The following FRMD4A variants were observed in gnomAD, a reference collection of about 807,000 sequenced individuals.
The protein encoded by FRMD4A is FERM domain containing 4A, also known as FERM domain-containing protein 4A.
Under a neutral mutation model 129.1 loss-of-function variants are expected in FRMD4A, and 29 were observed. That is an observed-to-expected ratio of 0.22 (90% CI 0.17 to 0.31). FRMD4A has a LOEUF of 0.31. Among genes scored for constraint, FRMD4A ranks in the 10% least tolerant of loss-of-function variants. The pLI is 1.00. For synonymous variants in FRMD4A, 634 were observed against 571.6 expected, an observed-to-expected ratio of 1.11 and a Z score of -1.56; for missense variants, 1,272 against 1,375.8, an observed-to-expected ratio of 0.92 and a Z score of 1.19.
intron 2 of FRMD4A, among the ~76,000 whole-genome samples, chr10:14,065,946 C>A (rs1057408372): frequency 2.6e-5 from 4 of 151,464 alleles, no homozygotes; most frequent in African/African-American, 9.7e-5. Flanking sequence ...ATTCTACTGC[C>A]ATCAGCAAAC....
At chr10:14,200,317 A>T (rs960845224) in intron 2 of FRMD4A, among the ~76,000 whole-genome samples, 1 of 149,832 alleles carries the variant, frequency 6.7e-6, no homozygotes, top group Admixed American at 6.6e-5. Flanking sequence ...TTTGAGACAG[A>T]CTCTCACTCT....
At chr10:13,656,485 C>T (rs1025662117) in intron 22 of FRMD4A, 151 bp downstream of exon 22, 25 of 958,998 alleles carry the variant, frequency 2.6e-5, no homozygotes, top group East Asian at 3.3e-5. Flanking sequence ...TCAAGTCTCC[C>T]GCATCTAACA....
intron 2 of FRMD4A, among the ~76,000 whole-genome samples, chr10:13,884,186 A>ATTCT (rs2094586746): frequency 1.8e-5 from 2 of 109,598 alleles, no homozygotes; most frequent in Admixed American, 2.0e-4. Context: ...TCACACACAC[A>ATTCT]CACACACACT....
At chr10:13,761,057 T>C (rs1343632530) in intron 8 of FRMD4A, among the ~76,000 whole-genome samples, 2 of 152,228 alleles carry the variant, frequency 1.3e-5, no homozygotes, top group Admixed American at 6.5e-5. Flanking sequence ...TGGTGATGAA[T>C]GAAATAAATG....
At chr10:14,310,809 T>G (rs2480547) in intron 2 of FRMD4A, among the ~76,000 whole-genome samples, 1 of 152,012 alleles carries the variant, frequency 6.6e-6, no homozygotes, top group Non-Finnish European at 1.5e-5. Flanking sequence ...AGCTATAGAA[T>G]CCCTTGCATT....
intron 2 of FRMD4A, among the ~76,000 whole-genome samples, chr10:13,859,672 C>T (rs111894503): frequency 1.3e-5 from 2 of 152,166 alleles, no homozygotes; most frequent in African/African-American, 4.8e-5. Flanking sequence ...TGCTGGTAAC[C>T]AGAAAGCAGA....
In FRMD4A at chr10:13,788,220, C is replaced by T. The variant is rs185430214; in HGVS notation, c.300-5214G>A. ...CACCATGGATCCAGGGTCCACCCCT[C>T]CCACCACCTCTCGGCTCTCACACCC... On this transcript the variant is annotated intron_variant, in intron 5 of 24. Coordinates refer to ENST00000357447, the MANE Select transcript of FRMD4A (RefSeq NM_018027.5). Among the ~76,000 whole-genome samples, 798 of 152,260 alleles carry T rather than the reference C, an allele frequency of 5.2e-3. 3 individuals carry two copies. The highest frequency in any genetic ancestry group is 7.7e-3 in the Non-Finnish European group (526 of 68,022).
intron 18 of FRMD4A, among the ~76,000 whole-genome samples, chr10:13,663,877 G>C (rs2082821803): frequency 6.6e-6 from 1 of 152,234 alleles, no homozygotes; most frequent in African/African-American, 2.4e-5. Context: ...AAAACCAAAG[G>C]ACGCAAACTG....
chr10:13,693,147 T>TC (rs1336677915), intron 15 of FRMD4A: 1 of 158,126 alleles, frequency 6.3e-6, no homozygotes, highest in Non-Finnish European at 1.4e-5. Flanking sequence ...GTGCTGGGAT[T>TC]AGAGGTGTGA....
intron 2 of FRMD4A, among the ~76,000 whole-genome samples, chr10:14,001,061 A>T (rs1565172003): frequency 6.6e-6 from 1 of 152,186 alleles, no homozygotes; most frequent in Non-Finnish European, 1.5e-5. Context: ...TCACCAGAAA[A>T]CACAAAAACT....
At chr10:14,118,777 C>G (rs1589014855) in intron 2 of FRMD4A, among the ~76,000 whole-genome samples, 1 of 152,130 alleles carries the variant, frequency 6.6e-6, no homozygotes, top group East Asian at 1.9e-4. Context: ...GGAAACTGCT[C>G]CCATGATTCA....
intron 5 of FRMD4A, among the ~76,000 whole-genome samples, chr10:13,794,041 T>C (rs2093060282): frequency 6.6e-6 from 1 of 151,884 alleles, no homozygotes; most frequent in African/African-American, 2.4e-5. Context: ...CTTCAATAGG[T>C]CGACTGACTG....
At chr10:13,899,157 G>A (rs2094791979) in intron 2 of FRMD4A, among the ~76,000 whole-genome samples, 1 of 138,414 alleles carries the variant, frequency 7.2e-6, no homozygotes, top group Non-Finnish European at 1.6e-5. Flanking sequence ...GCAAGACCCT[G>A]TCTATAAAAT....
chr10:13,661,065 T>C (rs9787417), intron 19 of FRMD4A, among the ~76,000 whole-genome samples: 105,365 of 152,054 alleles, frequency 0.69, 38,707 homozygotes, highest in Non-Finnish European at 0.81. Flanking sequence ...TATATGTCCA[T>C]TGTAAATACC....
intron 2 of FRMD4A, chr10:13,891,865 C>A (rs898104088): frequency 2.3e-6 from 1 of 427,870 alleles, no homozygotes; most frequent in African/African-American, 2.2e-5. Context: ...TGAGCCCCGC[C>A]GCCGGCCCGC....
chr10:13,647,799 A>C (rs769742253), intron 24 of FRMD4A: 1 of 150,634 alleles, frequency 6.6e-6, no homozygotes, highest in Non-Finnish European at 1.5e-5. Context: ...GTAATTCTTA[A>C]ATCTTAAGAA....
intron 2 of FRMD4A, among the ~76,000 whole-genome samples, chr10:14,213,052 C>A (rs911883930): frequency 2.0e-5 from 3 of 151,926 alleles, no homozygotes; most frequent in African/African-American, 4.8e-5. Flanking sequence ...GCTGTGGCAA[C>A]GTAGTGAGAT....
At chr10:14,125,254 C>G (rs773443866) in intron 2 of FRMD4A, among the ~76,000 whole-genome samples, 1 of 152,160 alleles carries the variant, frequency 6.6e-6, no homozygotes, top group Non-Finnish European at 1.5e-5. Flanking sequence ...CAATATTAAA[C>G]AATTACAAGT....
At position 13,870,410 on chromosome 10, in the gene FRMD4A, T is replaced by C. The variant is rs376333847; in HGVS notation, c.46-11498A>G. Among the ~76,000 whole-genome samples, 89 of 152,336 alleles carry C rather than the reference T, an allele frequency of 5.8e-4. 2 individuals are homozygous for C. The highest frequency in any genetic ancestry group is 2.0e-3 in the African/African-American group (84 of 41,582). On this transcript the variant is annotated intron_variant, in intron 2 of 24. Transcript: ENST00000357447. ...ACCTGGGACTTTTAGAGTCTGTTCCTCCAAGGACCATCCTCTCCCTTGCCG... is the reference window on the plus strand; with the variant it reads ...ACCTGGGACTTTTAGAGTCTGTTCCCCCAAGGACCATCCTCTCCCTTGCCG...
Sources: allele counts gnomAD v4.1 joint callset (sites outside exome capture counted in the v4.1 genomes callset), GRCh38; gene constraint gnomAD v4.1.1; transcripts MANE v1.5; gene names NCBI Gene and HGNC (gene_info 2026-07-23, HGNC 2026-07-21).